NEGR1: variants seen among roughly 807,000 people sequenced by gnomAD.
NEGR1 encodes the protein neuronal growth regulator 1, also known as IgLON family member 4.
Under a neutral mutation model 40.9 loss-of-function variants are expected in NEGR1, and 10 were observed. That is an observed-to-expected ratio of 0.24 (90% CI 0.15 to 0.42). The LOEUF (loss-of-function observed/expected upper bound fraction) is 0.42, where lower values mean the gene tolerates loss of function less well. Ranked by LOEUF, NEGR1 falls within the 10% of genes least tolerant of loss-of-function variation. The pLI, the probability that NEGR1 is intolerant of heterozygous loss-of-function variation, is 1.00. For missense variants in NEGR1, 352 were observed against 438.9 expected (o/e 0.80, Z 1.77); for synonymous variants, 185 against 166.8 (o/e 1.11, Z -0.84).
At chr1:71,987,189 C>G (rs1461944695) in intron 1 of NEGR1, among the ~76,000 whole-genome samples, 1 of 152,126 alleles carries the variant, frequency 6.6e-6, no homozygotes, top group East Asian at 1.9e-4. Context: ...CCAATTCCCT[C>G]CCAGAATTGC....
intron 1 of NEGR1, among the ~76,000 whole-genome samples, chr1:72,272,299 T>A (rs540832098): frequency 2.8e-4 from 43 of 151,924 alleles, no homozygotes; most frequent in African/African-American, 9.6e-4. Flanking sequence ...ACATTCAGGT[T>A]TTGAACGCTA....
intron 1 of NEGR1, among the ~76,000 whole-genome samples, chr1:72,029,779 T>A (rs1236633161): frequency 6.6e-6 from 1 of 152,038 alleles, no homozygotes; most frequent in East Asian, 1.9e-4. Flanking sequence ...CTGCAGAAAA[T>A]CATGTTTATG....
intron 3 of NEGR1, among the ~76,000 whole-genome samples, chr1:71,723,635 A>T (rs892444162): frequency 1.3e-5 from 2 of 152,042 alleles, no homozygotes; most frequent in African/African-American, 4.8e-5. Flanking sequence ...TTCAGACCTC[A>T]CCCTATGTAC....
intron 4 of NEGR1, among the ~76,000 whole-genome samples, chr1:71,636,145 T>A (rs1283464239): frequency 6.6e-6 from 1 of 152,052 alleles, no homozygotes; most frequent in Non-Finnish European, 1.5e-5. Flanking sequence ...GACCCACAAA[T>A]AACTAAACAT....
At chr1:71,868,516 A>G (rs1660188220) in intron 2 of NEGR1, among the ~76,000 whole-genome samples, 1 of 151,616 alleles carries the variant, frequency 6.6e-6, no homozygotes, top group East Asian at 1.9e-4. Context: ...ACATACATAC[A>G]TGGATTTATA....
At chr1:72,216,413 A>G (rs1161988774) in intron 1 of NEGR1, among the ~76,000 whole-genome samples, 2 of 146,810 alleles carry the variant, frequency 1.4e-5, no homozygotes, top group South Asian at 2.1e-4. Context: ...ATATATATAT[A>G]TATGTATATC....
intron 1 of NEGR1, among the ~76,000 whole-genome samples, chr1:72,267,759 T>G (rs1163589071): frequency 3.3e-5 from 5 of 151,312 alleles, no homozygotes; most frequent in Admixed American, 1.3e-4. Context: ...CTTACACATA[T>G]TTCAACCAAG....
chr1:71,407,780 T>A, intron 6 of NEGR1: 1 of 493,286 alleles, frequency 2.0e-6, no homozygotes, highest in South Asian at 2.6e-5. Context: ...AAAATGAAAA[T>A]AATAGAAATA....
chr1:72,149,402 C>T (rs1238451675), intron 1 of NEGR1, among the ~76,000 whole-genome samples: 2 of 152,084 alleles, frequency 1.3e-5, no homozygotes, highest in Non-Finnish European at 2.9e-5. Flanking sequence ...TAAAAAGAAT[C>T]TGCATTGAGA....
chr1:71,834,139 G>A (rs1658933440), intron 2 of NEGR1, among the ~76,000 whole-genome samples: 1 of 152,040 alleles, frequency 6.6e-6, no homozygotes, highest in South Asian at 2.1e-4. Flanking sequence ...CATTGATACT[G>A]GTATTTGATT....
chr1:71,726,480 G>C (rs1654678461), intron 3 of NEGR1, among the ~76,000 whole-genome samples: 1 of 152,072 alleles, frequency 6.6e-6, no homozygotes, highest in African/African-American at 2.4e-5. Flanking sequence ...TTAGGAGCTG[G>C]TGGTAAGAAC....
chr1:71,513,350 C>G (rs1317384385), intron 6 of NEGR1, among the ~76,000 whole-genome samples: 3 of 152,104 alleles, frequency 2.0e-5, no homozygotes, highest in East Asian at 1.9e-4. Context: ...CTTGGAGAAT[C>G]TGCCATTATT....
At chr1:72,193,250 T>C (rs556652310) in intron 1 of NEGR1, among the ~76,000 whole-genome samples, 1 of 151,976 alleles carries the variant, frequency 6.6e-6, no homozygotes, top group African/African-American at 2.4e-5. Context: ...AAACAAGTGT[T>C]TCCTTTTCTA....
chr1:71,650,393 A>G (rs867359050), intron 4 of NEGR1, among the ~76,000 whole-genome samples: 1 of 152,186 alleles, frequency 6.6e-6, no homozygotes, highest in Non-Finnish European at 1.5e-5. Context: ...TTCTAATTAG[A>G]TCCAGCTGTT....
intron 2 of NEGR1, among the ~76,000 whole-genome samples, chr1:71,834,446 A>ACCCACC (rs1267869819): frequency 6.7e-6 from 1 of 150,276 alleles, no homozygotes; most frequent in African/African-American, 2.4e-5. Flanking sequence ...GGAATTCACC[A>ACCCACC]CCCACCCCCA....
intron 4 of NEGR1, among the ~76,000 whole-genome samples, chr1:71,642,633 G>A (rs905125388): frequency 6.6e-6 from 1 of 151,766 alleles, no homozygotes; most frequent in Admixed American, 6.6e-5. Context: ...AAAGTGATTT[G>A]AGATCACAAA....
chr1:72,171,162 G>A (rs1206408948), intron 1 of NEGR1, among the ~76,000 whole-genome samples: 1 of 152,102 alleles, frequency 6.6e-6, no homozygotes, highest in Non-Finnish European at 1.5e-5. Context: ...GAGCAGGAAG[G>A]AATTTTTCTC....
chr1:71,901,555 C>A (rs1243066028), intron 2 of NEGR1, among the ~76,000 whole-genome samples: 2 of 151,840 alleles, frequency 1.3e-5, no homozygotes, highest in Non-Finnish European at 2.9e-5. Context: ...GAAGATAAAA[C>A]AACCTTTAAA....
chr1:72,207,797 C>T (rs1205615456), intron 1 of NEGR1, among the ~76,000 whole-genome samples: 4 of 151,670 alleles, frequency 2.6e-5, no homozygotes, highest in Non-Finnish European at 5.9e-5. Context: ...TTAAAAAACG[C>T]ATTTATTAGC....
Sources: gnomAD v4.1 joint callset for allele counts (sites outside exome capture counted in the v4.1 genomes callset) on GRCh38, gnomAD v4.1.1 for gene constraint, MANE v1.5 for transcripts, NCBI Gene and HGNC (gene_info 2026-07-23, HGNC 2026-07-21) for gene names.